Variants in RIPOR1 observed in about 807,000 individuals in gnomAD.
The protein encoded by RIPOR1 is rho family-interacting cell polarization regulator 1.
RIPOR1 carries 58 observed loss-of-function variants against 116.5 expected under a neutral mutation model. The observed-to-expected ratio is 0.50, with a 90% CI of 0.40 to 0.62. The LOEUF (loss-of-function observed/expected upper bound fraction) is 0.62. RIPOR1 is among the 20% of genes least tolerant of loss of function. The pLI, the probability that RIPOR1 is intolerant of heterozygous loss-of-function variation, is 0.00. For synonymous variants in RIPOR1, 605 were observed against 650.0 expected, an observed-to-expected ratio of 0.93 and a Z score of 1.05; for missense variants, 1,372 against 1,586.2, an observed-to-expected ratio of 0.86 and a Z score of 2.29.
At chr16:67,527,348 A>G (rs2050550144), upstream of RIPOR1, among the ~76,000 whole-genome samples, 1 of 152,038 alleles carries the variant, frequency 6.6e-6, no homozygotes, top group South Asian at 2.1e-4. Context: ...TCACGCCACT[A>G]TACTCCAGCC....
upstream of RIPOR1, among the ~76,000 whole-genome samples, chr16:67,527,939 C>T (rs969068872): frequency 2.6e-5 from 4 of 151,546 alleles, no homozygotes; most frequent in African/African-American, 7.3e-5. Flanking sequence ...CTGGTGGGGG[C>T]GGGGTACAGA....
Position 67,542,759 on chromosome 16 carries a change from C to G in RIPOR1, c.1973C>G (p.Thr658Ser), listed in dbSNP as rs1455752980. 2 of 1,613,484 alleles carry G rather than the reference C, an allele frequency of 1.2e-6. No homozygotes were observed. Among genetic ancestry groups the G allele is most frequent in the Admixed American group, 1.7e-5 (1 of 59,938 alleles). Residue 658 changes from threonine to serine, a missense_variant, in exon 13 of 22, where the codon ACC becomes AGC. Around this residue, in one of 3 missense-constraint regions of RIPOR1, gnomAD observed 1,005 missense variants for 1,144.7 expected, o/e 0.88. Transcript: ENST00000042381. The surrounding 1 kb of genome is among the most constrained non-coding windows in gnomAD (Gnocchi z 4.6). ...CTAGTCCAGACTGCCACAAGTCCCA[C>G]CCATCCTACCACAAGCCCCACCCAT... ...MGLVQTATSP[T>S]HPTTSPTHPT... is the part of the protein sequence containing the mutation.
rs577473254 is a variant in RIPOR1, at chr16:67,545,218, G to A, written c.3031+101G>A. ...CACACAGATAAACGAACTGGGCACC[G>A]AGGAGACCAGCAAAGACTTGGGCCT... is the stretch of plus-strand genomic sequence containing the variant. On this transcript the variant is annotated intron_variant, in intron 17 of 21. Coordinates refer to ENST00000042381, the MANE Select transcript of RIPOR1 (RefSeq NM_024519.4). This position sits in a 1 kb window ranked among gnomAD's most constrained non-coding sequence, Gnocchi z 4.8. 2.4e-5 allele frequency: 37 copies of A among 1,537,158 alleles called. No individual in the cohort carries two copies. In the African/African-American group the frequency reaches 3.1e-4, roughly 13 times the overall value.
chr16:67,545,711 A>C lies in RIPOR1; in HGVS notation c.3238A>C (p.Lys1080Gln). 1 of 1,592,872 alleles carries C rather than the reference A, an allele frequency of 6.3e-7. No homozygotes were observed. Among genetic ancestry groups the C allele is most frequent in the Non-Finnish European group, 8.5e-7 (1 of 1,170,422 alleles). The change falls in exon 19 of 22, where the codon AAG becomes CAG. Residue 1080 changes from lysine (K) to glutamine (Q), a missense_variant. By Grantham distance (53) the Lys-to-Gln change is moderately conservative. Coordinates refer to ENST00000042381, the MANE Select transcript of RIPOR1 (RefSeq NM_024519.4). This position sits in a 1 kb window ranked among gnomAD's most constrained non-coding sequence, Gnocchi z 4.8. ...CTCGGATGATCAGGCTGTTGTGCTG[A>C]AGGCCCTGAGATTGGCGCCCGAGGG... is the stretch of plus-strand genomic sequence containing the variant. ...LNSDDQAVVL[K>Q]ALRLAPEGRL...
At position 67,537,428 on chromosome 16, in the gene RIPOR1, A is replaced by G. The variant is rs968082893; in HGVS notation, c.-23-996A>G. 4.8e-6 allele frequency: 6 copies of G among 1,238,784 alleles called. No individual in the cohort carries two copies. The highest frequency in any genetic ancestry group is 5.0e-6 in the Non-Finnish European group (5 of 990,762). 76.7% of individuals were successfully genotyped at this position (1,238,784 alleles called of 1,614,324 possible). A position where few individuals can be genotyped will look rare whatever the true frequency, so the allele number is the denominator to read the frequency against. On this transcript the variant is annotated intron_variant, in intron 1 of 21. Transcript: ENST00000042381. The surrounding 1 kb of genome is among the most constrained non-coding windows in gnomAD (Gnocchi z 4.6). ...ATCCAGGCGGGCTGAGTCAGGCGGC[A>G]GGAACTGGGCGGGGGGCGGCGCCGG...
upstream of RIPOR1, among the ~76,000 whole-genome samples, chr16:67,527,461 A>G (rs2142400952): frequency 6.6e-6 from 1 of 150,632 alleles, no homozygotes; most frequent in African/African-American, 2.4e-5. Context: ...AGAGTGGAGA[A>G]CTGTGAGGCA....
chr16:67,541,967 C>T lies in RIPOR1; in HGVS notation c.1181C>T (p.Ala394Val). The change falls in exon 13 of 22, where the codon GCC (alanine) becomes GTC (valine). Residue 394 changes from alanine (A) to valine (V), a missense_variant. Ala to Val is a moderately conservative substitution (Grantham distance 64, BLOSUM62 0). Coordinates refer to ENST00000042381, the MANE Select transcript of RIPOR1 (RefSeq NM_024519.4). This position sits in a 1 kb window ranked among gnomAD's most constrained non-coding sequence, Gnocchi z 4.6. ...TCCAGCCCACAGCTCTCAGGCACTGCCCGCCACTCACCAGCCCCTAGGCCC... is the reference window on the plus strand; with the variant it reads ...TCCAGCCCACAGCTCTCAGGCACTGTCCGCCACTCACCAGCCCCTAGGCCC... ...DSSSPQLSGT[A>V]RHSPAPRPLV... 1 of 1,612,360 alleles carries T rather than the reference C, an allele frequency of 6.2e-7. No homozygotes were observed. Among genetic ancestry groups the T allele is most frequent in the African/African-American group, 1.3e-5 (1 of 75,026 alleles).
In RIPOR1 at chr16:67,542,113, C is replaced by T; in HGVS notation, c.1327C>T (p.Pro443Ser). 1 of 1,613,028 alleles carries T rather than the reference C, an allele frequency of 6.2e-7. No homozygotes were observed. The highest frequency in any genetic ancestry group is 1.3e-5 in the African/African-American group (1 of 75,004). Reference sequence around the variant, plus strand: ...CCCAGTCCTGGCAAATGGGCATGCACCCTACAGTCGGACTCTGAGCCACAT... The same window carrying T: ...CCCAGTCCTGGCAAATGGGCATGCATCCTACAGTCGGACTCTGAGCCACAT... Reference protein sequence around the residue: ...VAPVLANGHAPYSRTLSHISE... With the variant: ...VAPVLANGHASYSRTLSHISE... Residue 443 changes from proline to serine, a missense_variant, in exon 13 of 22, where the codon CCC (proline) becomes TCC (serine). Pro to Ser is a moderately conservative substitution (Grantham distance 74, BLOSUM62 -1). Around this residue, in one of 3 missense-constraint regions of RIPOR1, gnomAD observed 1,005 missense variants for 1,144.7 expected, o/e 0.88. Coordinates refer to ENST00000042381, the MANE Select transcript of RIPOR1 (RefSeq NM_024519.4). This position sits in a 1 kb window ranked among gnomAD's most constrained non-coding sequence, Gnocchi z 4.6.
rs938988931 is a variant in RIPOR1, at chr16:67,546,750, G to A, written c.*287G>A. 10 of 506,266 alleles carry A rather than the reference G, an allele frequency of 2.0e-5. No individual in the cohort carries two copies. The highest frequency in any genetic ancestry group is 9.6e-5 in the African/African-American group (5 of 51,996). The allele number at this position is 506,266 out of a possible 1,614,324, so 31.4% of individuals were successfully genotyped here. The stretch of plus-strand genomic sequence containing the variant: ...CTTGGTTTTGTATTTTATTTACAGA[G>A]TTTTACAGAAAATAAAAAAGCAAAA... On this transcript the variant is annotated 3_prime_UTR_variant, in exon 22 of 22. Transcript: ENST00000042381.
intron 21 of RIPOR1, 29 bp downstream of exon 21, chr16:67,546,260 G>A (rs1460589157): frequency 6.2e-7 from 1 of 1,611,820 alleles, no homozygotes; most frequent in African/African-American, 1.3e-5. Flanking sequence ...AGAGATGGGT[G>A]GAGTTCTGGG....
At chr16:67,523,870 G>A (rs1481351210), upstream of RIPOR1, among the ~76,000 whole-genome samples, 1 of 151,962 alleles carries the variant, frequency 6.6e-6, no homozygotes, top group African/African-American at 2.4e-5. Context: ...TAGAGACTGG[G>A]TTTTACTATA....
upstream of RIPOR1, among the ~76,000 whole-genome samples, chr16:67,527,853 CAAAAAAAA>C: frequency 1.5e-5 from 1 of 67,640 alleles, no homozygotes; most frequent in Non-Finnish European, 3.1e-5. Context: ...CACTCTGTCT[CAAAAAAAA>C]AAAAAAAAAA....
upstream of RIPOR1, among the ~76,000 whole-genome samples, chr16:67,526,037 G>T (rs1490382854): frequency 1.3e-5 from 2 of 152,162 alleles, no homozygotes; most frequent in Non-Finnish European, 1.5e-5. Context: ...TTCCCTCGAG[G>T]CCCCTTGGAT....
At position 67,542,295 on chromosome 16, in the gene RIPOR1, T is replaced by G. The variant is rs1184295166; in HGVS notation, c.1509T>G (p.Ser503=). The G allele has an allele frequency of 6.2e-7, 1 of 1,613,924 alleles. No homozygotes were observed. The highest frequency in any genetic ancestry group is 8.5e-7 in the Non-Finnish European group (1 of 1,179,936). The change falls in exon 13 of 22, where the codon TCT becomes TCG. Residue 503 remains serine, a synonymous_variant. Coordinates refer to ENST00000042381, the MANE Select transcript of RIPOR1 (RefSeq NM_024519.4). This position sits in a 1 kb window ranked among gnomAD's most constrained non-coding sequence, Gnocchi z 4.6. Reference sequence around the variant, plus strand: ...CTCCTGCCCTGGACCCTGGCCACTCTGCCACAAGCTCTACCCTCGGTACAA... The same window carrying G: ...CTCCTGCCCTGGACCCTGGCCACTCGGCCACAAGCTCTACCCTCGGTACAA... The part of the protein sequence containing the change: ...PVPPALDPGH[S]ATSSTLGTTG...
At chr16:67,522,150 C>T (rs1280698240) in intron 1 of RIPOR1, among the ~76,000 whole-genome samples, 2 of 150,694 alleles carry the variant, frequency 1.3e-5, no homozygotes, top group Non-Finnish European at 2.9e-5. Flanking sequence ...GCCTCAGCCT[C>T]CCGAGTAGCT....
At position 67,542,527 on chromosome 16, in the gene RIPOR1, A is replaced by G; in HGVS notation, c.1741A>G (p.Thr581Ala). ...TGSTHKPIIS[T>A]LTTTGPTLNI... ...CTCCACCCACAAGCCCATAATCTCT[A>G]CCCTTACTACTACAGGCCCTACCCT... Residue 581 changes from threonine (T) to alanine (A), a missense_variant, in exon 13 of 22, where the codon ACC becomes GCC. By Grantham distance (58) the Thr-to-Ala change is moderately conservative. This residue lies in a region of RIPOR1 where 1,005 missense variants were observed against 1,144.7 expected (regional missense o/e 0.88). Coordinates refer to ENST00000042381, the MANE Select transcript of RIPOR1 (RefSeq NM_024519.4). The surrounding 1 kb of genome is among the most constrained non-coding windows in gnomAD (Gnocchi z 4.6). 1.2e-6 allele frequency: 2 copies of G among 1,613,038 alleles called. No individual in the cohort carries two copies. Among genetic ancestry groups the G allele is most frequent in the Non-Finnish European group, 1.7e-6 (2 of 1,179,716 alleles).
chr16:67,530,343 C>T lies in RIPOR1; in HGVS notation c.-24+1429C>T, dbSNP rs1245169402. Among the ~76,000 whole-genome samples, 1 of 152,228 alleles carries T rather than the reference C, an allele frequency of 6.6e-6. No individual in the cohort carries two copies. On this transcript the variant is annotated intron_variant, in intron 1 of 21. Transcript: ENST00000042381. The surrounding 1 kb of genome is among the most constrained non-coding windows in gnomAD (Gnocchi z 4.5). ...AAGTGAGGCCACCCGACAGCCTCCG[C>T]CCGGTTCCGGGGTGGGGGGTCCGGG...
rs142322690 is a variant in RIPOR1, at chr16:67,531,736, G to A, written c.-24+2822G>A. On this transcript the variant is annotated intron_variant, in intron 1 of 21. Coordinates refer to ENST00000042381, the MANE Select transcript of RIPOR1 (RefSeq NM_024519.4). The surrounding 1 kb of genome is among the most constrained non-coding windows in gnomAD (Gnocchi z 4.2). ...ACAGGACAAATCCTGAAGGGCCTAC[G>A]TGGGTCATGTTAGAGAGTCTGGGCT... 25 of 385,838 alleles carry A rather than the reference G, an allele frequency of 6.5e-5. No individual in the cohort carries two copies. The highest frequency in any genetic ancestry group is 3.2e-4 in the South Asian group (17 of 53,676). The allele number at this position is 385,838 out of a possible 1,614,324, so 23.9% of individuals were successfully genotyped here.
At chr16:67,522,955 A>G (rs2050507361) in intron 1 of RIPOR1, among the ~76,000 whole-genome samples, 1 of 150,766 alleles carries the variant, frequency 6.6e-6, no homozygotes, top group Non-Finnish European at 1.5e-5. Flanking sequence ...CAGCCCCACC[A>G]CTCCAAACCA....
Sources: gnomAD v4.1 joint callset for allele counts (sites outside exome capture counted in the v4.1 genomes callset) on GRCh38, gnomAD v4.1.1 for gene constraint, gnomAD v4.1.1 regional missense constraint, Gnocchi (gnomAD v3.1) non-coding constraint, MANE v1.5 for transcripts, NCBI Gene and HGNC (gene_info 2026-07-23, HGNC 2026-07-21) for gene names.